Variants in CENPT observed in about 807,000 individuals in gnomAD.
The protein encoded by CENPT is centromere protein T.
A neutral mutation model predicts 59.7 loss-of-function variants in CENPT; 42 were observed. The observed-to-expected ratio is 0.70, with a 90% CI of 0.55 to 0.91. The LOEUF (loss-of-function observed/expected upper bound fraction) is 0.91, where lower values mean the gene tolerates loss of function less well. Ranked by LOEUF, CENPT falls within the 40% of genes least tolerant of loss-of-function variation. The pLI, the probability that CENPT is intolerant of heterozygous loss-of-function variation, is 0.00. For missense variants in CENPT, 716 were observed against 713.4 expected (o/e 1.00, Z -0.04); for synonymous variants, 295 against 289.6 (o/e 1.02, Z -0.19).
chr16:67,846,226 TG>T (rs1174091224), intron 1 of CENPT, among the ~76,000 whole-genome samples: 1 of 152,248 alleles, frequency 6.6e-6, no homozygotes. Context: ...TTAATAAAAA[TG>T]AAACACTTAG....
At chr16:67,838,621 CAA>C (rs768333473) in intron 1 of CENPT, among the ~76,000 whole-genome samples, 1 of 112,528 alleles carries the variant, frequency 8.9e-6, no homozygotes. Context: ...GACTCCGTCT[CAA>C]AAAAAAAAAA....
intron 12 of CENPT, 120 bp downstream of exon 12, chr16:67,829,643 TCA>T: frequency 7.6e-7 from 1 of 1,316,580 alleles, no homozygotes; most frequent in Non-Finnish European, 1.1e-6. Context: ...CAGGTGCCCC[TCA>T]GTGTCTCCCT....
Position 67,843,348 on chromosome 16 carries a change from G to T in CENPT, c.-492+4053C>A. 6.2e-7 allele frequency: 1 copy of T among 1,613,910 alleles called. No individual in the cohort carries two copies. On this transcript the variant is annotated intron_variant, in intron 1 of 15. Transcript: ENST00000562787. The surrounding 1 kb of genome is among the most constrained non-coding windows in gnomAD (Gnocchi z 5.7). Reference sequence around the variant, plus strand: ...CTCCTGCGCAAGCTGAATGAGCAGCGGGACATCCTGGCTCTGATGGAAGTG... The same window carrying T: ...CTCCTGCGCAAGCTGAATGAGCAGCTGGACATCCTGGCTCTGATGGAAGTG...
At position 67,830,457 on chromosome 16, in the gene CENPT, C is replaced by T. The variant is rs762843667; in HGVS notation, c.795G>A (p.Gly265=). ...YHSLPCTPHT[G]AEDAEQAAGR... is the part of the protein sequence containing the mutation. ...CGGCAGCCTGCTCAGCGTCTTCAGC[C>T]CCAGTGTGAGGCGTGCAGGGCAGGG... is the stretch of plus-strand genomic sequence containing the variant. Residue 265 remains glycine (G), a synonymous_variant, in exon 11 of 16, where the codon GGG becomes GGA. Transcript: ENST00000562787. 68 of 1,614,022 alleles carry T rather than the reference C, an allele frequency of 4.2e-5. No individual in the cohort carries two copies. Among genetic ancestry groups the T allele is most frequent in the East Asian group, 6.7e-5 (3 of 44,902 alleles).
intron 1 of CENPT, among the ~76,000 whole-genome samples, 187 bp from the exon 2 acceptor site, chr16:67,835,845 GT>G (rs571314193): frequency 8.3e-5 from 12 of 144,418 alleles, no homozygotes; most frequent in South Asian, 2.2e-4. Flanking sequence ...TTTTGTTTTT[GT>G]TTTTTTTTTG....
At chr16:67,839,165 T>C (rs1297010950) in intron 1 of CENPT, among the ~76,000 whole-genome samples, 1 of 151,380 alleles carries the variant, frequency 6.6e-6, no homozygotes, top group Non-Finnish European at 1.5e-5. Context: ...GATGGGTGGA[T>C]TGCATGAGGT....
chr16:67,836,053 T>G (rs1419263484), intron 1 of CENPT, among the ~76,000 whole-genome samples: 1 of 140,416 alleles, frequency 7.1e-6, no homozygotes, highest in African/African-American at 2.7e-5. Flanking sequence ...TGCAGTTTTG[T>G]TTTTGTTTTT....
intron 10 of CENPT, 23 bp downstream of exon 10, chr16:67,831,193 A>G (rs1236742431): frequency 1.2e-6 from 2 of 1,613,586 alleles, no homozygotes; most frequent in East Asian, 2.2e-5. Flanking sequence ...CCCAAAGGCC[A>G]GCAGGGGAAA....
In CENPT at chr16:67,830,398, T is replaced by G. The variant is rs2057674562; in HGVS notation, c.854A>C (p.Gln285Pro). 1 of 1,606,774 alleles carries G rather than the reference T, an allele frequency of 6.2e-7. No homozygotes were observed. The highest frequency in any genetic ancestry group is 8.5e-7 in the Non-Finnish European group (1 of 1,177,428). The change falls in exon 11 of 16, where the codon CAG becomes CCG. Residue 285 changes from glutamine (Q) to proline (P), a missense_variant. Coordinates refer to ENST00000562787, the MANE Select transcript of CENPT (RefSeq NM_025082.4). ...RKTQSSGPGL[Q>P]KNSPGKPAQF... ...CAGTGCCACACACTCACTATTCTTC[T>G]GCAGCCCAGGCCCACTGCTCTGTGT...
Position 67,829,270 on chromosome 16 carries a change from G to A in CENPT, c.1280+153C>T, listed in dbSNP as rs1323956452. 3 of 588,090 alleles carry A rather than the reference G, an allele frequency of 5.1e-6. No homozygotes were observed. The East Asian group carries it at 9.6e-5, about 19-fold the overall frequency. The allele number at this position is 588,090 out of a possible 1,614,324, so 36.4% of individuals were successfully genotyped here. A position where few individuals can be genotyped will look rare whatever the true frequency, so the allele number is the denominator to read the frequency against. On this transcript the variant is annotated intron_variant, in intron 13 of 15. Transcript: ENST00000562787. Reference sequence around the variant, plus strand: ...TGGAGGCAGGCACCAGGATGGCAGGGGTGCTCTTGGTGAGCTCTCCCCAGC... The same window carrying A: ...TGGAGGCAGGCACCAGGATGGCAGGAGTGCTCTTGGTGAGCTCTCCCCAGC...
rs1220773112 is a variant in CENPT at position 67,847,542 on chromosome 16, C to T, written c.-633G>A. 3.3e-5 allele frequency: 5 copies of T among 152,434 alleles called. No homozygotes were observed. The highest frequency in any genetic ancestry group is 5.9e-5 in the Non-Finnish European group (4 of 68,184). The allele number at this position is 152,434 out of a possible 1,614,324, so 9.4% of individuals were successfully genotyped here. ...CCCGGCCGGGGTGTAGGTGAACGCC[C>T]CCTCCTTGTCTGCCCCTCGGAAGTG... On this transcript the variant is annotated 5_prime_UTR_variant, in exon 1 of 16. Transcript: ENST00000562787.
chr16:67,842,878 GCAGCAGCAGCAGCAA>G lies in CENPT; in HGVS notation c.-492+4508_-492+4522del, dbSNP rs757813379. The G allele has an allele frequency of 1.9e-6, 3 of 1,592,950 alleles. No individual in the cohort carries two copies. The highest frequency in any genetic ancestry group is 1.7e-4 in the Middle Eastern group (1 of 5,864). ...CCCGCCGCAGGCAGCAGCAGCAACA[GCAGCAGCAGCAGCAA>G]CAGCAGCAACAGCAGCAGCAGCAGC... is the stretch of plus-strand genomic sequence containing the variant. On this transcript the variant is annotated intron_variant, in intron 1 of 15. Coordinates refer to ENST00000562787, the MANE Select transcript of CENPT (RefSeq NM_025082.4). This position sits in a 1 kb window ranked among gnomAD's most constrained non-coding sequence, Gnocchi z 4.9.
chr16:67,829,297 C>T (rs977958201), intron 13 of CENPT, 126 bp downstream of exon 13: 2 of 757,592 alleles, frequency 2.6e-6, no homozygotes, highest in African/African-American at 3.7e-5. Flanking sequence ...CTCCCCAGCC[C>T]AGCTGAAGCT....
At chr16:67,830,873 C>T in intron 10 of CENPT, 1 of 511,708 alleles carries the variant, frequency 2.0e-6, no homozygotes. Context: ...TCTTCTTACT[C>T]TGGTGAACTT....
At chr16:67,838,634 A>T (rs2057745114) in intron 1 of CENPT, among the ~76,000 whole-genome samples, 2 of 150,636 alleles carry the variant, frequency 1.3e-5, no homozygotes, top group Non-Finnish European at 3.0e-5. Flanking sequence ...AAAAAAAAAA[A>T]GAAAAAAAAA....
chr16:67,842,861 A>C lies in CENPT; in HGVS notation c.-492+4540T>G, dbSNP rs753009052. The C allele has an allele frequency of 4.4e-6, 7 of 1,607,792 alleles. No individual in the cohort carries two copies. Among genetic ancestry groups the C allele is most frequent in the Non-Finnish European group, 5.9e-6 (7 of 1,177,526 alleles). The stretch of plus-strand genomic sequence containing the variant: ...CGCTGGGGCCGCGGCCGCCCGCCGC[A>C]GGCAGCAGCAGCAACAGCAGCAGCA... On this transcript the variant is annotated intron_variant, in intron 1 of 15. Transcript: ENST00000562787. The surrounding 1 kb of genome is among the most constrained non-coding windows in gnomAD (Gnocchi z 4.9).
intron 1 of CENPT, among the ~76,000 whole-genome samples, chr16:67,836,783 G>A (rs1480650118): frequency 6.6e-6 from 1 of 151,664 alleles, no homozygotes; most frequent in Non-Finnish European, 1.5e-5. Context: ...ATGTTGGTCA[G>A]GCTGGTCTTG....
At chr16:67,829,032 G>A in intron 13 of CENPT, 189 bp from the exon 14 acceptor site, 1 of 575,266 alleles carries the variant, frequency 1.7e-6, no homozygotes, top group Non-Finnish European at 3.0e-6. Flanking sequence ...TTTCCCTGGG[G>A]CTCTGTCCCT....
At chr16:67,834,135 G>C (rs928885968) in intron 3 of CENPT, 35 bp from the exon 4 acceptor site, 7 of 375,290 alleles carry the variant, frequency 1.9e-5, no homozygotes, top group Non-Finnish European at 3.4e-5. Flanking sequence ...CTGATAAGGA[G>C]CTTGTAATGA....
Sources: allele counts gnomAD v4.1 joint callset (sites outside exome capture counted in the v4.1 genomes callset), GRCh38; gene constraint gnomAD v4.1.1; non-coding constraint Gnocchi (gnomAD v3.1); transcripts MANE v1.5; gene names NCBI Gene and HGNC (gene_info 2026-07-23, HGNC 2026-07-21).